The following FSTL4 variants were observed in gnomAD, a reference collection of about 807,000 sequenced individuals.
FSTL4 encodes follistatin like 4.
A neutral mutation model predicts 78.2 loss-of-function variants in FSTL4; 28 were observed. The ratio of observed to expected loss-of-function variants is 0.36; its 90% CI spans 0.27 to 0.49. The LOEUF is 0.49. Among genes scored for constraint, FSTL4 ranks in the 20% least tolerant of loss-of-function variants. The probability of loss-of-function intolerance (pLI) is 0.98; values close to 1 mark genes in which losing one functional copy is unlikely to be tolerated. For synonymous variants in FSTL4, 422 were observed against 440.5 expected (o/e 0.96, Z 0.53); for missense variants, 922 against 1,084.9 (o/e 0.85, Z 2.11).
chr5:133,334,786 C>T (rs1008517793), intron 4 of FSTL4, among the ~76,000 whole-genome samples: 7 of 152,100 alleles, frequency 4.6e-5, no homozygotes, highest in African/African-American at 1.4e-4. Context: ...ATGGAAGTGG[C>T]GGCAGCTCAT....
intron 3 of FSTL4, among the ~76,000 whole-genome samples, chr5:133,524,482 C>A (rs1478469248): frequency 2.6e-5 from 4 of 152,122 alleles, no homozygotes; most frequent in Admixed American, 6.5e-5. Context: ...GAATACACAC[C>A]ATTTGCCCGT....
At chr5:133,637,609 ACTT>A in the FSTL4 span, among the ~76,000 whole-genome samples, 1 of 151,812 alleles carries the variant, frequency 6.6e-6, no homozygotes, top group East Asian at 1.9e-4. Context: ...CTCCTTGGCC[ACTT>A]CTTCTCAGTC....
chr5:133,410,542 C>T (rs1580691256), intron 3 of FSTL4, among the ~76,000 whole-genome samples: 1 of 152,190 alleles, frequency 6.6e-6, no homozygotes, highest in Non-Finnish European at 1.5e-5. Flanking sequence ...TGTGAGCCGC[C>T]GTGATGCTCC....
intron 3 of FSTL4, among the ~76,000 whole-genome samples, chr5:133,438,285 T>C (rs1450090234): frequency 6.6e-6 from 1 of 152,266 alleles, no homozygotes; most frequent in Non-Finnish European, 1.5e-5. Context: ...TGCTCCATTA[T>C]CTTCTGGCAT....
intron 4 of FSTL4, among the ~76,000 whole-genome samples, chr5:133,329,353 A>G (rs1450065144): frequency 6.6e-6 from 1 of 152,036 alleles, no homozygotes; most frequent in African/African-American, 2.4e-5. Flanking sequence ...GGCCTGGTGT[A>G]TTAGTCGGGG....
chr5:133,826,365 C>G, the FSTL4 span, among the ~76,000 whole-genome samples: 2 of 152,234 alleles, frequency 1.3e-5, no homozygotes, highest in African/African-American at 4.8e-5. Flanking sequence ...CAAAGGACCA[C>G]AAACTGGGTG....
At chr5:133,703,484 C>T in the FSTL4 span, among the ~76,000 whole-genome samples, 30 of 152,188 alleles carry the variant, frequency 2.0e-4, no homozygotes, top group Non-Finnish European at 3.7e-4. Flanking sequence ...CCATCTGGGC[C>T]ATTAACGATC....
At chr5:133,336,880 A>G (rs926367808) in intron 4 of FSTL4, among the ~76,000 whole-genome samples, 17 of 152,092 alleles carry the variant, frequency 1.1e-4, no homozygotes, top group African/African-American at 3.6e-4. Flanking sequence ...TTCCATGACC[A>G]CACTGTGTAC....
chr5:133,217,321 C>G lies in FSTL4; in HGVS notation c.1516G>C (p.Ala506Pro). ...NATQPCQWVS[A>P]VNVRNRYIYV... ...ATGTACCGGTTCCGGACATTGACTG[C>G]AGATACCCACTGGCAGGGCTGGGTT... The change falls in exon 13 of 16, where the codon GCA (alanine) becomes CCA (proline). Residue 506 changes from alanine (A) to proline (P), a missense_variant. Ala to Pro is a conservative substitution (Grantham distance 27). Transcript: ENST00000265342. The G allele has an allele frequency of 6.2e-7, 1 of 1,614,016 alleles. No individual in the cohort carries two copies. Among genetic ancestry groups the G allele is most frequent in the Non-Finnish European group, 8.5e-7 (1 of 1,179,868 alleles).
chr5:133,603,667 C>T (rs1380821711), intron 2 of FSTL4, among the ~76,000 whole-genome samples, 191 bp downstream of exon 2: 2 of 152,206 alleles, frequency 1.3e-5, no homozygotes, highest in African/African-American at 4.8e-5. Flanking sequence ...AGCCATTACT[C>T]ACATCGTGTT....
At chr5:133,356,835 G>A (rs1252417080) in intron 4 of FSTL4, among the ~76,000 whole-genome samples, 6 of 152,240 alleles carry the variant, frequency 3.9e-5, no homozygotes, top group African/African-American at 1.4e-4. Context: ...ACTTTTATGG[G>A]GACAATGCTG....
rs1181397387 is a variant in FSTL4, at chr5:133,426,443, C to T, written c.161-25457G>A. 9.2e-5 allele frequency among the ~76,000 whole-genome samples: 14 copies of T among 152,130 alleles called. No individual in the cohort carries two copies. Among genetic ancestry groups the T allele is most frequent in the Non-Finnish European group, 2.9e-5 (2 of 68,016 alleles). On this transcript the variant is annotated intron_variant, in intron 3 of 15. Coordinates refer to ENST00000265342, the MANE Select transcript of FSTL4 (RefSeq NM_015082.2). The surrounding 1 kb of genome is among the most constrained non-coding windows in gnomAD (Gnocchi z 5.0). ...AGCGCTGCCCTGCCCCCTCCGCACT[C>T]CCTAATTGGAGAATGTCATGAAGTT...
chr5:133,233,603 C>T, intron 7 of FSTL4, 66 bp from the exon 8 acceptor site: 2 of 1,578,398 alleles, frequency 1.3e-6, no homozygotes, highest in Non-Finnish European at 1.7e-6. Flanking sequence ...CCATAGCTGT[C>T]TCCTGGTTTT....
the FSTL4 span, among the ~76,000 whole-genome samples, chr5:133,838,737 A>C: frequency 6.6e-6 from 1 of 152,026 alleles, no homozygotes; most frequent in East Asian, 1.9e-4. Context: ...AAGGAAAGGC[A>C]GGAGGTAATT....
chr5:133,365,336 T>G (rs1755160655), intron 4 of FSTL4, among the ~76,000 whole-genome samples: 1 of 152,166 alleles, frequency 6.6e-6, no homozygotes. Flanking sequence ...AATGTTTTAT[T>G]TGGGGAAAGC....
intron 14 of FSTL4, among the ~76,000 whole-genome samples, chr5:133,206,419 G>A (rs964814392): frequency 6.6e-6 from 1 of 152,050 alleles, no homozygotes; most frequent in Non-Finnish European, 1.5e-5. Context: ...GCAGTGACAC[G>A]ATCTCGGCTC....
the FSTL4 span, among the ~76,000 whole-genome samples, chr5:133,787,441 G>A: frequency 2.0e-5 from 3 of 152,204 alleles, no homozygotes; most frequent in Non-Finnish European, 4.4e-5. Flanking sequence ...CCTGCTGAAC[G>A]CCTAGGGTTG....
chr5:133,252,921 A>G (rs1429658735), intron 6 of FSTL4, among the ~76,000 whole-genome samples: 1 of 152,170 alleles, frequency 6.6e-6, no homozygotes, highest in African/African-American at 2.4e-5. Flanking sequence ...ATTTGCATGT[A>G]GAAGATGTGC....
intron 2 of FSTL4, among the ~76,000 whole-genome samples, chr5:133,570,378 A>G (rs1035353889): frequency 2.0e-5 from 3 of 152,068 alleles, no homozygotes; most frequent in African/African-American, 7.2e-5. Flanking sequence ...GCTGGAGTGC[A>G]GTGGCACGAT....
Sources: gnomAD v4.1 joint callset for allele counts (sites outside exome capture counted in the v4.1 genomes callset) on GRCh38, gnomAD v4.1.1 for gene constraint, Gnocchi (gnomAD v3.1) non-coding constraint, MANE v1.5 for transcripts, NCBI Gene and HGNC (gene_info 2026-07-23, HGNC 2026-07-21) for gene names.